The following KIR3DL2 variants were observed in gnomAD, a reference collection of about 807,000 sequenced individuals.
The protein encoded by KIR3DL2 is killer cell immunoglobulin-like receptor 3DL2.
KIR3DL2 carries 42 observed loss-of-function variants against 41.6 expected under a neutral mutation model. The observed-to-expected ratio is 1.01, with a 90% CI of 0.79 to 1.31. The LOEUF (loss-of-function observed/expected upper bound fraction) is 1.31. Among genes scored for constraint, KIR3DL2 ranks in the 50% most tolerant of loss-of-function variants. KIR3DL2 has a pLI of 0.00. For missense variants in KIR3DL2, 728 were observed against 576.8 expected (o/e 1.26, Z -2.68); for synonymous variants, 230 against 221.3 (o/e 1.04, Z -0.35).
intron 6 of KIR3DL2, among the ~76,000 whole-genome samples, chr19:54,860,266 C>A (rs1307687727): frequency 1.8e-4 from 27 of 151,976 alleles, no homozygotes; most frequent in African/African-American, 6.5e-4. Context: ...GGACACTGAT[C>A]TTGCAGATGG....
intron 3 of KIR3DL2, 118 bp from the exon 4 acceptor site, chr19:54,853,629 A>G: frequency 8.4e-7 from 1 of 1,191,270 alleles, no homozygotes; most frequent in Non-Finnish European, 1.2e-6. Context: ...AAAGACACGG[A>G]GACACAGAGA....
intron 5 of KIR3DL2, among the ~76,000 whole-genome samples, chr19:54,857,904 A>T (rs2064907321): frequency 6.6e-6 from 1 of 151,808 alleles, no homozygotes; most frequent in South Asian, 2.1e-4. Context: ...TTCTGTGATG[A>T]TGAGTGATGC....
chr19:54,860,223 C>T (rs1237659082), intron 6 of KIR3DL2, among the ~76,000 whole-genome samples: 2 of 152,042 alleles, frequency 1.3e-5, no homozygotes, highest in Admixed American at 1.3e-4. Context: ...CTTCCACAAA[C>T]AGTGAACAAG....
chr19:54,855,893 A>C lies in KIR3DL2; in HGVS notation c.930A>C (p.Pro310=), dbSNP rs2064729723. Residue 310 remains proline (P), a synonymous_variant, in exon 5 of 9, where the codon CCA becomes CCC. Coordinates refer to ENST00000326321, the MANE Select transcript of KIR3DL2 (RefSeq NM_006737.4). ...LPCVWSNSSD[P]LLVSVTGNPS... is the part of the protein sequence containing the mutation. ...GCGTGTGGTCAAACTCAAGTGACCC[A>C]CTGCTTGTTTCTGTCACAGGTGAGG... The C allele has an allele frequency of 6.8e-6, 11 of 1,613,494 alleles. No homozygotes were observed. The highest frequency in any genetic ancestry group is 8.5e-6 in the Non-Finnish European group (10 of 1,179,922).
intron 6 of KIR3DL2, among the ~76,000 whole-genome samples, chr19:54,863,175 G>A (rs2065297768): frequency 6.6e-6 from 1 of 151,600 alleles, no homozygotes; most frequent in South Asian, 2.1e-4. Context: ...TCCCTGCAAA[G>A]GACATGAACT....
intron 3 of KIR3DL2, among the ~76,000 whole-genome samples, chr19:54,853,523 C>T (rs1280326962): frequency 1.3e-5 from 2 of 151,584 alleles, no homozygotes; most frequent in African/African-American, 4.9e-5. Flanking sequence ...GCTCTCTTCA[C>T]AGTGGGAAGG....
intron 6 of KIR3DL2, among the ~76,000 whole-genome samples, chr19:54,860,444 C>A (rs1218807473): frequency 6.6e-6 from 1 of 152,062 alleles, no homozygotes; most frequent in Non-Finnish European, 1.5e-5. Flanking sequence ...GATCTCGGCT[C>A]ACTGCAACCT....
In KIR3DL2 at chr19:54,855,947, A is replaced by G. The variant is rs543036935; in HGVS notation, c.949+35A>G. ...ACCCGTGTCTGTCCCATGTCTTATG[A>G]TCCTAGAGCCATAGCTGAGGAGCTT... is the stretch of plus-strand genomic sequence containing the variant. On this transcript the variant is annotated intron_variant, in intron 5 of 8. Transcript: ENST00000326321. The G allele has an allele frequency of 3.7e-5, 59 of 1,608,574 alleles. No individual in the cohort carries two copies. The Middle Eastern group carries it at 5.0e-4, about 14-fold the overall frequency.
At chr19:54,851,114 T>G (rs2064190944) in intron 1 of KIR3DL2, 106 bp from the exon 2 acceptor site, 1 of 1,421,104 alleles carries the variant, frequency 7.0e-7, no homozygotes, top group Non-Finnish European at 9.9e-7. Flanking sequence ...TAAGTTTACC[T>G]TCAGCCCAGC....
intron 4 of KIR3DL2, 42 bp downstream of exon 4, chr19:54,854,088 A>C: frequency 6.2e-7 from 1 of 1,604,840 alleles, no homozygotes. Flanking sequence ...ATTGGGACAC[A>C]GAGTGAATGA....
At chr19:54,861,930 C>G (rs1234340405) in intron 6 of KIR3DL2, among the ~76,000 whole-genome samples, 3 of 151,920 alleles carry the variant, frequency 2.0e-5, no homozygotes, top group African/African-American at 7.2e-5. Context: ...AATCCCCCAC[C>G]TCACCCCTAC....
chr19:54,862,720 G>T (rs1362643265), intron 6 of KIR3DL2, among the ~76,000 whole-genome samples: 2 of 150,682 alleles, frequency 1.3e-5, no homozygotes, highest in Non-Finnish European at 2.9e-5. Flanking sequence ...AGGCTGTTCT[G>T]AGACGTTCCT....
chr19:54,859,172 G>A lies in KIR3DL2; in HGVS notation c.1000+43G>A, dbSNP rs1258945420. The A allele has an allele frequency of 2.6e-5, 41 of 1,563,962 alleles. No individual in the cohort carries two copies. In the African/African-American group the frequency reaches 5.0e-4, roughly 19 times the overall value. On this transcript the variant is annotated intron_variant, in intron 6 of 8. Transcript: ENST00000326321. ...CTTATCTCTGCTTTTGGAAACCTGGGGAGGTGGAAGCCTTGGATGCAAGTG... is the reference window on the plus strand; with the variant it reads ...CTTATCTCTGCTTTTGGAAACCTGGAGAGGTGGAAGCCTTGGATGCAAGTG...
rs879044704 is a variant in KIR3DL2 at position 54,855,728 on chromosome 19, G to T, written c.765G>T (p.Leu255=). ...GGAGCTCCTATGACATCTACCATCTGTCCAGGGAAGGGGAGGCCCATGAAC... is the reference window on the plus strand; with the variant it reads ...GGAGCTCCTATGACATCTACCATCTTTCCAGGGAAGGGGAGGCCCATGAAC... ...SSWSSYDIYH[L]SREGEAHERR... is the part of the protein sequence containing the mutation. The change falls in exon 5 of 9, where the codon CTG becomes CTT. Residue 255 remains leucine, a synonymous_variant. Transcript: ENST00000326321. 1 of 1,613,036 alleles carries T rather than the reference G, an allele frequency of 6.2e-7. No homozygotes were observed. Among genetic ancestry groups the T allele is most frequent in the Non-Finnish European group, 8.5e-7 (1 of 1,179,674 alleles).
At chr19:54,866,211 G>A (rs75253533) in intron 7 of KIR3DL2, among the ~76,000 whole-genome samples, 159 bp from the exon 8 acceptor site, 33 of 152,166 alleles carry the variant, frequency 2.2e-4, no homozygotes, top group Non-Finnish European at 3.8e-4. Flanking sequence ...TTCATGGGAT[G>A]GGGTCTTGAA....
In KIR3DL2 at chr19:54,852,818, G is replaced by C. The variant is rs1245208856; in HGVS notation, c.355+536G>C. Among the ~76,000 whole-genome samples, 30 of 151,180 alleles carry C rather than the reference G, an allele frequency of 2.0e-4. No individual in the cohort carries two copies. The East Asian group carries it at 5.6e-3, about 28-fold the overall frequency. ...AGATGCCTTGATTTCAGCACAGGGAGAACTGGATCCAATTTCTGTCCCCAG... is the reference window on the plus strand; with the variant it reads ...AGATGCCTTGATTTCAGCACAGGGACAACTGGATCCAATTTCTGTCCCCAG... On this transcript the variant is annotated intron_variant, in intron 3 of 8. Transcript: ENST00000326321.
At chr19:54,859,046 A>G in intron 5 of KIR3DL2, 33 bp from the exon 6 acceptor site, 1 of 1,610,302 alleles carries the variant, frequency 6.2e-7, no homozygotes, top group Non-Finnish European at 8.5e-7. Context: ...AAGCACCCTC[A>G]TTTCCTCACA....
intron 6 of KIR3DL2, 91 bp downstream of exon 6, chr19:54,859,220 G>A (rs1244408764): frequency 1.1e-4 from 123 of 1,134,940 alleles, no homozygotes; most frequent in Admixed American, 1.9e-4. Flanking sequence ...TCCCAGCTCT[G>A]TGAATGAGGG....
chr19:54,866,885 C>T lies in KIR3DL2; in HGVS notation c.*154C>T. 1 of 854,816 alleles carries T rather than the reference C, an allele frequency of 1.2e-6. No individual in the cohort carries two copies. Among genetic ancestry groups the T allele is most frequent in the Middle Eastern group, 2.9e-4 (1 of 3,466 alleles). The allele number at this position is 854,816 out of a possible 1,614,324, so 53.0% of individuals were successfully genotyped here. ...CTTGCTTACAAATGCCTAAGGTCGCCACTGCCTGCTGCAGAGAAAACACAC... is the reference window on the plus strand; with the variant it reads ...CTTGCTTACAAATGCCTAAGGTCGCTACTGCCTGCTGCAGAGAAAACACAC... On this transcript the variant is annotated 3_prime_UTR_variant, in exon 9 of 9. Coordinates refer to ENST00000326321, the MANE Select transcript of KIR3DL2 (RefSeq NM_006737.4).
Sources: allele counts gnomAD v4.1 joint callset (sites outside exome capture counted in the v4.1 genomes callset), GRCh38; gene constraint gnomAD v4.1.1; transcripts MANE v1.5; gene names NCBI Gene and HGNC (gene_info 2026-07-23, HGNC 2026-07-21).